The following HMG20A variants were observed in gnomAD, a reference collection of about 807,000 sequenced individuals.
The protein encoded by HMG20A is high mobility group protein 20A.
A neutral mutation model predicts 43.9 loss-of-function variants in HMG20A; 17 were observed. The ratio of observed to expected loss-of-function variants is 0.39; its 90% confidence interval spans 0.27 to 0.58. The LOEUF is 0.58. Ranked by LOEUF, HMG20A falls within the 20% of genes least tolerant of loss-of-function variation. The probability of loss-of-function intolerance (pLI) is 0.59; values close to 1 mark genes in which losing one functional copy is unlikely to be tolerated. For synonymous variants in HMG20A, 132 were observed against 147.5 expected, an observed-to-expected ratio of 0.89 and a Z score of 0.76; for missense variants, 341 against 438.2, an observed-to-expected ratio of 0.78 and a Z score of 1.98.
chr15:77,515,185 G>A, the HMG20A span, among the ~76,000 whole-genome samples: 3 of 152,114 alleles, frequency 2.0e-5, no homozygotes, highest in Non-Finnish European at 2.9e-5. Context: ...GGGGCAAGAC[G>A]GGTACACAAA....
At chr15:77,458,915 C>T (rs1287545582) in intron 2 of HMG20A, among the ~76,000 whole-genome samples, 3 of 152,146 alleles carry the variant, frequency 2.0e-5, no homozygotes, top group Non-Finnish European at 2.9e-5. Context: ...CTTTAGCTGA[C>T]TTCTGTTCCT....
At chr15:77,505,398 C>T in the HMG20A span, among the ~76,000 whole-genome samples, 1 of 152,330 alleles carries the variant, frequency 6.6e-6, no homozygotes, top group East Asian at 1.9e-4. Context: ...ATGGCCCAGT[C>T]ACCAGATGCC....
chr15:77,507,183 T>C, the HMG20A span, among the ~76,000 whole-genome samples: 1 of 152,226 alleles, frequency 6.6e-6, no homozygotes, highest in African/African-American at 2.4e-5. Flanking sequence ...CTTTTCTGGG[T>C]GTGGACTCCT....
chr15:77,442,295 A>G (rs541988572), intron 1 of HMG20A, among the ~76,000 whole-genome samples: 32 of 152,320 alleles, frequency 2.1e-4, no homozygotes, highest in Admixed American at 2.1e-3. Context: ...ACTTCTCAAT[A>G]TATTGCTATA....
chr15:77,476,486 GAAA>G (rs148901766), intron 6 of HMG20A, among the ~76,000 whole-genome samples: 11 of 81,436 alleles, frequency 1.4e-4, no homozygotes, highest in Admixed American at 1.0e-3. Context: ...CTCCCTCTCA[GAAA>G]AAAAAAAAAA....
chr15:77,514,678 T>G, the HMG20A span, among the ~76,000 whole-genome samples: 33 of 152,172 alleles, frequency 2.2e-4, no homozygotes, highest in East Asian at 3.9e-3. Flanking sequence ...TTTGTGGAAT[T>G]TGGATTTTGG....
chr15:77,430,041 T>A (rs1385366324), intron 1 of HMG20A, among the ~76,000 whole-genome samples: 2 of 152,240 alleles, frequency 1.3e-5, no homozygotes, highest in African/African-American at 4.8e-5. Flanking sequence ...CTTCATCACT[T>A]ACTAATATGT....
At chr15:77,451,434 G>A (rs183901918) in intron 1 of HMG20A, among the ~76,000 whole-genome samples, 1 of 152,348 alleles carries the variant, frequency 6.6e-6, no homozygotes, top group Admixed American at 6.5e-5. Flanking sequence ...AGTGGTGTCA[G>A]TGTTTGGGAT....
At chr15:77,459,461 AT>A (rs1240321854) in intron 2 of HMG20A, among the ~76,000 whole-genome samples, 1 of 152,214 alleles carries the variant, frequency 6.6e-6, no homozygotes, top group Non-Finnish European at 1.5e-5. Context: ...AACATATACT[AT>A]GTTGATAAGA....
intron 1 of HMG20A, among the ~76,000 whole-genome samples, chr15:77,440,829 T>C (rs978900676): frequency 6.6e-6 from 1 of 152,182 alleles, no homozygotes; most frequent in East Asian, 1.9e-4. Context: ...CTAAATATTT[T>C]TGAATAGCCA....
intron 1 of HMG20A, among the ~76,000 whole-genome samples, chr15:77,449,710 A>C (rs1027183481): frequency 6.6e-6 from 1 of 151,934 alleles, no homozygotes; most frequent in African/African-American, 2.4e-5. Context: ...GAGACTTCCT[A>C]TATATTCCCT....
At chr15:77,508,493 C>G in the HMG20A span, among the ~76,000 whole-genome samples, 1 of 152,218 alleles carries the variant, frequency 6.6e-6, no homozygotes, top group Non-Finnish European at 1.5e-5. Flanking sequence ...GAAGCTGAAG[C>G]TTGGAAAGAC....
At chr15:77,446,718 A>T (rs571184150) in intron 1 of HMG20A, among the ~76,000 whole-genome samples, 1 of 152,020 alleles carries the variant, frequency 6.6e-6, no homozygotes, top group African/African-American at 2.4e-5. Context: ...GAGGCAGGAG[A>T]ATGGCGTGAA....
the HMG20A span, among the ~76,000 whole-genome samples, chr15:77,519,587 A>G: frequency 6.6e-5 from 10 of 152,348 alleles, no homozygotes; most frequent in South Asian, 2.1e-3. Flanking sequence ...CTTCTGCCAC[A>G]TAAGAACACA....
intron 3 of HMG20A, among the ~76,000 whole-genome samples, chr15:77,465,490 G>A (rs934107268): frequency 1.3e-5 from 2 of 150,764 alleles, no homozygotes; most frequent in African/African-American, 4.9e-5. Flanking sequence ...CTGCCTCCCA[G>A]GTTCAAGCTA....
chr15:77,459,701 C>T (rs1241941707), intron 2 of HMG20A, among the ~76,000 whole-genome samples: 1 of 152,092 alleles, frequency 6.6e-6, no homozygotes, highest in African/African-American at 2.4e-5. Context: ...ATCGAAATAG[C>T]CAGGAGGACA....
At chr15:77,462,772 CTTTTTTTT>C (rs71145836) in intron 2 of HMG20A, among the ~76,000 whole-genome samples, 1 of 127,788 alleles carries the variant, frequency 7.8e-6, no homozygotes, top group Non-Finnish European at 1.6e-5. Flanking sequence ...TTTTCTTTTT[CTTTTTTTT>C]TTTTTTTTTT....
At chr15:77,469,102 G>A (rs74519798) in intron 4 of HMG20A, among the ~76,000 whole-genome samples, 3,054 of 150,766 alleles carry the variant, frequency 0.02, 103 homozygotes, top group African/African-American at 0.069. Context: ...CATAGGTGGT[G>A]GTGTGTTCTC....
chr15:77,443,352 T>TATGATGATGATGATGATG (rs771200087), intron 1 of HMG20A, among the ~76,000 whole-genome samples: 6 of 141,778 alleles, frequency 4.2e-5, no homozygotes, highest in African/African-American at 1.3e-4. Flanking sequence ...ATCTATTTTT[T>TATGATGATGATGATGATG]ATGATGATGA....
Sources: allele counts gnomAD v4.1 joint callset (sites outside exome capture counted in the v4.1 genomes callset), GRCh38; gene constraint gnomAD v4.1.1; transcripts MANE v1.5; gene names NCBI Gene and HGNC (gene_info 2026-07-23, HGNC 2026-07-21).